DLGAP2: variants seen among roughly 807,000 people sequenced by gnomAD.
The protein encoded by DLGAP2 is DLG associated protein 2.
Under a neutral mutation model 100.3 loss-of-function variants are expected in DLGAP2, and 26 were observed. The observed-to-expected ratio is 0.26, with a 90% confidence interval of 0.19 to 0.36. DLGAP2 has a LOEUF of 0.36. Ranked by LOEUF, DLGAP2 falls within the 10% of genes least tolerant of loss-of-function variation. The pLI is 1.00. For missense variants in DLGAP2, 1,858 were observed against 1,453.2 expected (o/e 1.28, Z -4.53); for synonymous variants, 886 against 630.1 (o/e 1.41, Z -6.08).
At chr8:905,801 C>T (rs551190495) in intron 1 of DLGAP2, among the ~76,000 whole-genome samples, 1 of 139,922 alleles carries the variant, frequency 7.1e-6, no homozygotes, top group Non-Finnish European at 1.6e-5. Context: ...GTCCCAGCCC[C>T]ACCCTCCCGC....
chr8:742,968 C>G (rs1169909287), intron 1 of DLGAP2, among the ~76,000 whole-genome samples: 1 of 152,188 alleles, frequency 6.6e-6, no homozygotes, highest in Admixed American at 6.5e-5. Flanking sequence ...TTAGTCTTGA[C>G]TATTTTTATC....
intron 1 of DLGAP2, among the ~76,000 whole-genome samples, chr8:741,914 A>C (rs1007762543): frequency 2.0e-5 from 3 of 152,254 alleles, no homozygotes; most frequent in African/African-American, 4.8e-5. Flanking sequence ...GCATCAGTGC[A>C]CAGCCTTGCA....
chr8:933,553 G>A (rs1799010111), intron 2 of DLGAP2, among the ~76,000 whole-genome samples: 1 of 125,768 alleles, frequency 8.0e-6, no homozygotes, highest in Non-Finnish European at 1.7e-5. Flanking sequence ...AGGGGAGGGT[G>A]AGGGCAGAGC....
chr8:1,532,802 C>G lies in DLGAP2; in HGVS notation c.173-15824C>G, dbSNP rs139906787. 1.4e-3 allele frequency among the ~76,000 whole-genome samples: 220 copies of G among 152,232 alleles called. 2 individuals are homozygous for G. Among genetic ancestry groups the G allele is most frequent in the African/African-American group, 5.1e-3 (210 of 41,544 alleles). ...GTCAGTTAGGAGGTTCGGTTATAGT[C>G]AAATGTTTTGAAACAATTTTAAGGA... is the stretch of plus-strand genomic sequence containing the variant. On this transcript the variant is annotated intron_variant, in intron 4 of 14. Transcript: ENST00000637795.
chr8:1,446,412 C>T (rs1238854111), intron 3 of DLGAP2, among the ~76,000 whole-genome samples: 1 of 152,060 alleles, frequency 6.6e-6, no homozygotes. Context: ...AGATATGTGG[C>T]ATTATTTCTG....
rs540146081 is a variant in DLGAP2, at chr8:1,541,917, G to C, written c.173-6709G>C. Among the ~76,000 whole-genome samples the C allele has an allele frequency of 3.9e-5, 6 of 152,368 alleles. No homozygotes were observed. In the South Asian group the frequency reaches 1.0e-3, roughly 26 times the overall value. The stretch of plus-strand genomic sequence containing the variant: ...CACAATCATGGTCACGGAACGTTAA[G>C]TGAGAATGAAGGCAAAGAAAAGAGA... On this transcript the variant is annotated intron_variant, in intron 4 of 14. Coordinates refer to ENST00000637795, the MANE Select transcript of DLGAP2 (RefSeq NM_001346810.2).
In DLGAP2 at chr8:1,041,791, C is replaced by T. The variant is rs866972364; in HGVS notation, c.73+133825C>T. ...GTGGGTCTGCGGGAAATGTGTACTC[C>T]GAGCCCCTTGTCGTGGGTGAGTGTT... On this transcript the variant is annotated intron_variant, in intron 2 of 14. Coordinates refer to ENST00000637795, the MANE Select transcript of DLGAP2 (RefSeq NM_001346810.2). 4.7e-5 allele frequency among the ~76,000 whole-genome samples: 7 copies of T among 150,052 alleles called. 1 individual carries two copies. The highest frequency in any genetic ancestry group is 4.3e-4 in the South Asian group (2 of 4,696).
intron 2 of DLGAP2, among the ~76,000 whole-genome samples, chr8:1,008,214 A>G (rs561506732): frequency 1.8e-4 from 28 of 152,280 alleles, no homozygotes; most frequent in Non-Finnish European, 3.2e-4. Flanking sequence ...GATAAATGTC[A>G]GTAGTTATTA....
intron 3 of DLGAP2, among the ~76,000 whole-genome samples, chr8:1,368,225 G>T (rs949563782): frequency 2.6e-5 from 4 of 151,962 alleles, no homozygotes; most frequent in African/African-American, 9.7e-5. Context: ...TCTGTGTGCA[G>T]GTGTGTATGC....
chr8:1,215,158 G>A (rs1798189044), intron 2 of DLGAP2, among the ~76,000 whole-genome samples: 3 of 152,200 alleles, frequency 2.0e-5, no homozygotes, highest in African/African-American at 7.2e-5. Flanking sequence ...ATTGACAAAA[G>A]TCATTAATGG....
chr8:876,984 C>G (rs551066357), intron 1 of DLGAP2, among the ~76,000 whole-genome samples: 15 of 148,808 alleles, frequency 1.0e-4, no homozygotes, highest in Non-Finnish European at 1.6e-4. Context: ...ATGGTTATTT[C>G]TATATTTTTA....
At chr8:1,522,953 A>G (rs894402666) in intron 4 of DLGAP2, among the ~76,000 whole-genome samples, 1 of 152,208 alleles carries the variant, frequency 6.6e-6, no homozygotes, top group African/African-American at 2.4e-5. Context: ...TATATGTTTT[A>G]AAGTAACTTA....
intron 3 of DLGAP2, among the ~76,000 whole-genome samples, chr8:1,326,193 A>G (rs961242696): frequency 6.6e-6 from 1 of 152,194 alleles, no homozygotes; most frequent in African/African-American, 2.4e-5. Context: ...GCATGCTTTT[A>G]CCATTTGTCT....
intron 6 of DLGAP2, among the ~76,000 whole-genome samples, chr8:1,571,391 GGC>G (rs2130599326): frequency 7.0e-6 from 1 of 143,848 alleles, no homozygotes; most frequent in Non-Finnish European, 1.5e-5. Context: ...GAACTGTGGG[GGC>G]ATCTGATGAG....
Position 930,299 on chromosome 8 carries a change from C to T in DLGAP2, c.73+22333C>T, listed in dbSNP as rs377582423. On this transcript the variant is annotated intron_variant, in intron 2 of 14. Transcript: ENST00000637795. Reference sequence around the variant, plus strand: ...GGAATCAGTGCACGATCCACCTGCTCTGCCGGCCACCAGCGTTTAAAGACA... The same window carrying T: ...GGAATCAGTGCACGATCCACCTGCTTTGCCGGCCACCAGCGTTTAAAGACA... Among the ~76,000 whole-genome samples, 5 of 152,218 alleles carry T rather than the reference C, an allele frequency of 3.3e-5. No individual in the cohort carries two copies. In the East Asian group the frequency reaches 9.6e-4, roughly 29 times the overall value.
At chr8:1,539,784 T>A (rs531765424) in intron 4 of DLGAP2, among the ~76,000 whole-genome samples, 1 of 152,290 alleles carries the variant, frequency 6.6e-6, no homozygotes, top group East Asian at 1.9e-4. Flanking sequence ...TGTGGATGTG[T>A]GACACACCTC....
intron 2 of DLGAP2, among the ~76,000 whole-genome samples, chr8:1,164,538 C>T (rs1796976655): frequency 6.6e-6 from 1 of 152,100 alleles, no homozygotes; most frequent in African/African-American, 2.4e-5. Flanking sequence ...CCTCCCTTCC[C>T]GGTGGTGCCA....
At chr8:1,446,599 T>C (rs950185130) in intron 3 of DLGAP2, among the ~76,000 whole-genome samples, 4 of 152,168 alleles carry the variant, frequency 2.6e-5, no homozygotes, top group African/African-American at 9.7e-5. Context: ...CCATATGAAC[T>C]TTAAAGTAGT....
At chr8:914,285 G>A (rs762160880) in intron 2 of DLGAP2, among the ~76,000 whole-genome samples, 3 of 152,164 alleles carry the variant, frequency 2.0e-5, no homozygotes, top group African/African-American at 4.8e-5. Context: ...ATGACCCAGC[G>A]CCACCTTCCA....
Sources: allele counts gnomAD v4.1 joint callset (sites outside exome capture counted in the v4.1 genomes callset), GRCh38; gene constraint gnomAD v4.1.1; transcripts MANE v1.5; gene names NCBI Gene and HGNC (gene_info 2026-07-23, HGNC 2026-07-21).